Variants in PACRG observed in about 807,000 individuals in gnomAD.
PACRG encodes the protein parkin coregulated.
A neutral mutation model predicts 29.7 loss-of-function variants in PACRG; 29 were observed. The ratio of observed to expected loss-of-function variants is 0.98; its 90% CI spans 0.73 to 1.33. The LOEUF is 1.33. Ranked by LOEUF, PACRG falls within the 40% of genes most tolerant of loss-of-function variation. The pLI is 0.00. For missense variants in PACRG, 279 were observed against 316.2 expected (o/e 0.88, Z 0.89); for synonymous variants, 116 against 118.7 (o/e 0.98, Z 0.15).
intron 3 of PACRG, among the ~76,000 whole-genome samples, chr6:163,078,623 TATC>T (rs758681434): frequency 5.9e-5 from 9 of 151,940 alleles, no homozygotes; most frequent in Non-Finnish European, 1.2e-4. Flanking sequence ...TCGTCATCAT[TATC>T]ATCATCATCA....
At chr6:163,291,275 G>C (rs1211541956) in intron 4 of PACRG, among the ~76,000 whole-genome samples, 9 of 129,958 alleles carry the variant, frequency 6.9e-5, no homozygotes, top group African/African-American at 2.1e-4. Flanking sequence ...CCCTCTGCCC[G>C]CCAGAGCTGG....
intron 2 of PACRG, among the ~76,000 whole-genome samples, chr6:162,984,236 G>A (rs1471461175): frequency 6.6e-6 from 1 of 151,874 alleles, no homozygotes; most frequent in African/African-American, 2.4e-5. Context: ...CATCCTCATA[G>A]CTTACCTCCC....
chr6:163,308,663 C>G (rs1785282852), intron 4 of PACRG, among the ~76,000 whole-genome samples: 1 of 98,094 alleles, frequency 1.0e-5, no homozygotes, highest in African/African-American at 5.6e-5. Context: ...GAGGCTCCGT[C>G]TCAAAAAAAA....
intron 4 of PACRG, among the ~76,000 whole-genome samples, chr6:163,269,766 C>G (rs2874546): frequency 0.43 from 29,105 of 67,930 alleles, 7,916 homozygotes; most frequent in African/African-American, 0.47. Flanking sequence ...GAGAGAGAGA[C>G]AGACAGACAG....
chr6:163,031,725 G>T (rs964944546), intron 2 of PACRG, among the ~76,000 whole-genome samples: 13 of 152,140 alleles, frequency 8.5e-5, no homozygotes, highest in African/African-American at 2.9e-4. Context: ...TTAAAGCTGA[G>T]CCCAGCCATG....
intron 4 of PACRG, among the ~76,000 whole-genome samples, chr6:163,253,834 T>C (rs1175659564): frequency 6.6e-6 from 1 of 152,218 alleles, no homozygotes; most frequent in Non-Finnish European, 1.5e-5. Context: ...GGCCTGCTCC[T>C]CCAAAGGACG....
chr6:163,261,051 CA>C (rs1399874041), intron 4 of PACRG, among the ~76,000 whole-genome samples: 1 of 151,974 alleles, frequency 6.6e-6, no homozygotes, highest in African/African-American at 2.4e-5. Flanking sequence ...CGAATCCTTC[CA>C]AAAACAGCCA....
rs759706988 is a variant in PACRG, at chr6:162,966,289, C to T, written c.292-95861C>T. ...ATGCCCCATGGCACTTGGTGCCTTC[C>T]GTTCATTGGATTTTGCTTCTCTTTC... is the stretch of plus-strand genomic sequence containing the variant. On this transcript the variant is annotated intron_variant, in intron 2 of 4. Coordinates refer to ENST00000366888, the MANE Select transcript of PACRG (RefSeq NM_001080379.2). Among the ~76,000 whole-genome samples, 14 of 152,242 alleles carry T rather than the reference C, an allele frequency of 9.2e-5. No individual in the cohort carries two copies. The East Asian group carries it at 1.2e-3, about 13-fold the overall frequency.
chr6:162,973,988 T>C (rs1265861498), intron 2 of PACRG, among the ~76,000 whole-genome samples: 1 of 152,180 alleles, frequency 6.6e-6, no homozygotes, highest in Non-Finnish European at 1.5e-5. Context: ...TTTGTGATTA[T>C]TTTCTAAATT....
At chr6:162,727,692 C>T (rs751780181), upstream of PACRG, 5 of 1,569,334 alleles carry the variant, frequency 3.2e-6, no homozygotes, top group South Asian at 5.8e-5. Flanking sequence ...GTGGCGGCTG[C>T]GGGCCAGGAA....
chr6:163,231,256 A>G (rs1253492216), intron 4 of PACRG, among the ~76,000 whole-genome samples: 1 of 152,150 alleles, frequency 6.6e-6, no homozygotes, highest in Non-Finnish European at 1.5e-5. Context: ...TCTTAACTTC[A>G]TCCACTGTCT....
intron 4 of PACRG, among the ~76,000 whole-genome samples, chr6:163,092,364 G>A (rs1206406799): frequency 6.6e-6 from 1 of 152,156 alleles, no homozygotes; most frequent in Non-Finnish European, 1.5e-5. Flanking sequence ...TCAAGTAGGG[G>A]AGGGAGGAAC....
intron 4 of PACRG, among the ~76,000 whole-genome samples, chr6:163,218,588 T>C (rs968400793): frequency 6.6e-6 from 1 of 152,178 alleles, no homozygotes; most frequent in Non-Finnish European, 1.5e-5. Flanking sequence ...CTGGCAGCCT[T>C]GGTGTTGCCA....
intron 4 of PACRG, among the ~76,000 whole-genome samples, chr6:163,231,535 T>C (rs956123356): frequency 2.6e-5 from 4 of 152,116 alleles, no homozygotes; most frequent in Non-Finnish European, 5.9e-5. Context: ...TCCATACAGA[T>C]GGATCAGCAA....
At chr6:162,772,773 G>A (rs747602269) in intron 1 of PACRG, among the ~76,000 whole-genome samples, 1 of 152,128 alleles carries the variant, frequency 6.6e-6, no homozygotes, top group Admixed American at 6.5e-5. Flanking sequence ...AGGAACCAGG[G>A]GTATAAATTC....
At chr6:162,961,588 T>C (rs59534178) in intron 2 of PACRG, among the ~76,000 whole-genome samples, 23,667 of 152,094 alleles carry the variant, frequency 0.16, 3,234 homozygotes, top group African/African-American at 0.36. Context: ...TCACCACCTC[T>C]GAGTCTACCA....
intron 4 of PACRG, among the ~76,000 whole-genome samples, chr6:163,244,057 C>T (rs1782603274): frequency 6.6e-6 from 1 of 152,152 alleles, no homozygotes; most frequent in Non-Finnish European, 1.5e-5. Context: ...ATGTCTTTGG[C>T]CACTTTTGTG....
chr6:162,972,245 A>G (rs903173945), intron 2 of PACRG, among the ~76,000 whole-genome samples: 1 of 152,218 alleles, frequency 6.6e-6, no homozygotes, highest in African/African-American at 2.4e-5. Flanking sequence ...TCATTATAAA[A>G]TAATAGACAT....
intron 4 of PACRG, chr6:163,190,847 C>T (rs1780179769): frequency 2.5e-6 from 1 of 397,872 alleles, no homozygotes; most frequent in Admixed American, 2.9e-5. Context: ...TCACTGATTA[C>T]TTCCCTCGTG....
Sources: gnomAD v4.1 joint callset for allele counts (sites outside exome capture counted in the v4.1 genomes callset) on GRCh38, gnomAD v4.1.1 for gene constraint, MANE v1.5 for transcripts, NCBI Gene and HGNC (gene_info 2026-07-23, HGNC 2026-07-21) for gene names.